The following TLL2 variants were observed in gnomAD, a reference collection of about 807,000 sequenced individuals.
The protein encoded by TLL2 is tolloid like 2.
Under a neutral mutation model 123.0 loss-of-function variants are expected in TLL2, and 106 were observed. The observed-to-expected ratio is 0.86, with a 90% CI of 0.74 to 1.01. TLL2 has a LOEUF of 1.01. TLL2 is among the 50% of genes least tolerant of loss of function. The pLI, the probability that TLL2 is intolerant of heterozygous loss-of-function variation, is 0.00. For missense variants in TLL2, 1,332 were observed against 1,336.7 expected (o/e 1.00, Z 0.06); for synonymous variants, 494 against 516.8 (o/e 0.96, Z 0.60).
At chr10:96,401,619 A>C (rs1437068498) in intron 10 of TLL2, among the ~76,000 whole-genome samples, 1 of 152,142 alleles carries the variant, frequency 6.6e-6, no homozygotes, top group African/African-American at 2.4e-5. Context: ...ACCACCACCA[A>C]CAAATGGCAA....
intron 2 of TLL2, among the ~76,000 whole-genome samples, chr10:96,468,651 A>C (rs1847151395): frequency 6.6e-6 from 1 of 152,182 alleles, no homozygotes; most frequent in Non-Finnish European, 1.5e-5. Flanking sequence ...TCTTAAGCTC[A>C]TCTCCCAATT....
chr10:96,495,685 G>C (rs1209830620), intron 1 of TLL2, among the ~76,000 whole-genome samples: 1 of 152,108 alleles, frequency 6.6e-6, no homozygotes, highest in Non-Finnish European at 1.5e-5. Context: ...CAGAACAGGA[G>C]GGGAGAGGTT....
At chr10:96,436,070 G>A (rs1226164612) in intron 3 of TLL2, among the ~76,000 whole-genome samples, 1 of 152,052 alleles carries the variant, frequency 6.6e-6, no homozygotes, top group Admixed American at 6.6e-5. Flanking sequence ...CATGGTAGGG[G>A]TTAGCAATTT....
intron 5 of TLL2, among the ~76,000 whole-genome samples, chr10:96,424,703 T>C (rs573001109): frequency 6.6e-6 from 1 of 152,292 alleles, no homozygotes; most frequent in South Asian, 2.1e-4. Flanking sequence ...TTAGGGAAAC[T>C]AGTCAAGAGT....
At position 96,453,213 on chromosome 10, in the gene TLL2, C is replaced by T. The variant is rs375539660; in HGVS notation, c.287-7045G>A. Among the ~76,000 whole-genome samples the T allele has an allele frequency of 3.3e-5, 5 of 152,142 alleles. No homozygotes were observed. The East Asian group carries it at 5.8e-4, about 18-fold the overall frequency. On this transcript the variant is annotated intron_variant, in intron 2 of 20. Coordinates refer to ENST00000357947, the MANE Select transcript of TLL2 (RefSeq NM_012465.4). ...GCCCACACCTGTAATCCCAGCACTTCGGGAGGCAGAGGCGGGCGGATCACG... is the reference window on the plus strand; with the variant it reads ...GCCCACACCTGTAATCCCAGCACTTTGGGAGGCAGAGGCGGGCGGATCACG...
intron 2 of TLL2, among the ~76,000 whole-genome samples, chr10:96,477,518 CA>C (rs1374287960): frequency 1.3e-5 from 2 of 152,010 alleles, no homozygotes; most frequent in African/African-American, 2.4e-5. Flanking sequence ...CCCCACTCTC[CA>C]CTTTAATCGT....
chr10:96,368,825 C>T (rs886447034), intron 20 of TLL2, among the ~76,000 whole-genome samples: 72 of 152,182 alleles, frequency 4.7e-4, no homozygotes, highest in African/African-American at 1.6e-3. Flanking sequence ...CTGTTGCCTG[C>T]GAGGTTCTAG....
chr10:96,369,600 A>C (rs1035298742), intron 20 of TLL2, among the ~76,000 whole-genome samples: 4 of 151,988 alleles, frequency 2.6e-5, no homozygotes, highest in African/African-American at 9.7e-5. Context: ...GTCTCTACTG[A>C]AAATACAAAA....
At chr10:96,422,469 C>G in intron 6 of TLL2, 80 bp downstream of exon 6, 19 of 1,512,832 alleles carry the variant, frequency 1.3e-5, no homozygotes, top group East Asian at 2.3e-5. Flanking sequence ...CCCAGCAAGT[C>G]CCCTCCTTCC....
At chr10:96,512,228 A>C (rs1012339900) in intron 1 of TLL2, among the ~76,000 whole-genome samples, 1 of 152,102 alleles carries the variant, frequency 6.6e-6, no homozygotes, top group Non-Finnish European at 1.5e-5. Flanking sequence ...TCTTCCCCAG[A>C]CTTTACCCAG....
chr10:96,391,469 A>T (rs1846287382), intron 13 of TLL2, among the ~76,000 whole-genome samples: 1 of 152,088 alleles, frequency 6.6e-6, no homozygotes, highest in Non-Finnish European at 1.5e-5. Context: ...AATCACAAAC[A>T]CTAAGGAAAA....
chr10:96,496,882 AAG>A (rs1377144717), intron 1 of TLL2, among the ~76,000 whole-genome samples: 1 of 152,212 alleles, frequency 6.6e-6, no homozygotes, highest in African/African-American at 2.4e-5. Context: ...ACCCATAGGA[AAG>A]AGAGCCACGA....
At chr10:96,399,039 T>A (rs1356971136) in intron 10 of TLL2, among the ~76,000 whole-genome samples, 1 of 152,004 alleles carries the variant, frequency 6.6e-6, no homozygotes, top group East Asian at 1.9e-4. Flanking sequence ...GCCCAGCTAA[T>A]TTTTTATATT....
chr10:96,409,928 C>T (rs1347278752), intron 9 of TLL2, among the ~76,000 whole-genome samples: 1 of 152,106 alleles, frequency 6.6e-6, no homozygotes, highest in Non-Finnish European at 1.5e-5. Flanking sequence ...GTGTAAGATG[C>T]TTAGGGAAGT....
Position 96,376,767 on chromosome 10 carries a change from G to A in TLL2, c.2373C>T (p.Asn791=), listed in dbSNP as rs1460259661. The A allele has an allele frequency of 6.3e-7, 1 of 1,597,186 alleles. No homozygotes were observed. Among genetic ancestry groups the A allele is most frequent in the Admixed American group, 1.8e-5 (1 of 57,072 alleles). ...SSVEGTLASP[N]WPDKYPSRRE... is the part of the protein sequence containing the mutation. ...TCCGGCTGGGGTATTTGTCAGGCCA[G>A]TTGGGGCTCGCCAGGGTCCCCTCCA... Residue 791 remains asparagine, a synonymous_variant, in exon 18 of 21, where the codon AAC becomes AAT. Coordinates refer to ENST00000357947, the MANE Select transcript of TLL2 (RefSeq NM_012465.4).
chr10:96,490,006 G>A (rs1210661636), intron 1 of TLL2, among the ~76,000 whole-genome samples: 1 of 152,028 alleles, frequency 6.6e-6, no homozygotes, highest in Admixed American at 6.6e-5. Context: ...TGAGGCAGGA[G>A]AATCACTTGA....
rs925961711 is a variant in TLL2 at position 96,366,994 on chromosome 10, C to G, written c.*1094G>C. 5 of 152,566 alleles carry G rather than the reference C, an allele frequency of 3.3e-5. No individual in the cohort carries two copies. The highest frequency in any genetic ancestry group is 1.2e-4 in the African/African-American group (5 of 41,454). The allele number at this position is 152,566 out of a possible 1,614,324, so 9.5% of individuals were successfully genotyped here. The stretch of plus-strand genomic sequence containing the variant: ...CTGTTTGCAAGTTGGTGATTGAATA[C>G]TAGTTAATCAGAGCAAAGTTACCAA... On this transcript the variant is annotated 3_prime_UTR_variant, in exon 21 of 21. Transcript: ENST00000357947.
At chr10:96,382,186 C>T (rs189681842) in intron 16 of TLL2, among the ~76,000 whole-genome samples, 6 of 152,312 alleles carry the variant, frequency 3.9e-5, no homozygotes, top group Admixed American at 6.5e-5. Context: ...TGCGCCAGCG[C>T]GCCCAGCTTA....
At chr10:96,465,192 C>A (rs1014187431) in intron 2 of TLL2, among the ~76,000 whole-genome samples, 1 of 151,260 alleles carries the variant, frequency 6.6e-6, no homozygotes, top group Non-Finnish European at 1.5e-5. Context: ...TCAAGAAGAA[C>A]TGCAGAGCAG....
Sources: gnomAD v4.1 joint callset for allele counts (sites outside exome capture counted in the v4.1 genomes callset) on GRCh38, gnomAD v4.1.1 for gene constraint, MANE v1.5 for transcripts, NCBI Gene and HGNC (gene_info 2026-07-23, HGNC 2026-07-21) for gene names.